The following PI4K2A variants were observed in gnomAD, a reference collection of about 807,000 sequenced individuals.
PI4K2A encodes the protein phosphatidylinositol 4-kinase type 2 alpha.
PI4K2A carries 20 observed loss-of-function variants against 55.0 expected under a neutral mutation model. The observed-to-expected ratio is 0.36, with a 90% CI of 0.26 to 0.53. PI4K2A has a LOEUF of 0.53. Among genes scored for constraint, PI4K2A ranks in the 20% least tolerant of loss-of-function variants. PI4K2A has a pLI of 0.91. For synonymous variants in PI4K2A, 235 were observed against 258.5 expected, an observed-to-expected ratio of 0.91 and a Z score of 0.87; for missense variants, 463 against 637.1, an observed-to-expected ratio of 0.73 and a Z score of 2.94.
chr10:97,660,330 C>T (rs950099597), intron 4 of PI4K2A, among the ~76,000 whole-genome samples: 4 of 133,702 alleles, frequency 3.0e-5, no homozygotes, highest in African/African-American at 1.2e-4. Context: ...GAGTCTCACT[C>T]TGTCGCCCAG....
chr10:97,644,126 G>T (rs947332960), intron 1 of PI4K2A, among the ~76,000 whole-genome samples: 1 of 152,174 alleles, frequency 6.6e-6, no homozygotes, highest in African/African-American at 2.4e-5. Context: ...CGAGGCAGGC[G>T]CATCACTGGA....
chr10:97,648,347 C>T (rs1475856813), intron 1 of PI4K2A, among the ~76,000 whole-genome samples: 1 of 152,046 alleles, frequency 6.6e-6, no homozygotes, highest in East Asian at 1.9e-4. Context: ...CCTCCTTGGC[C>T]TCCCAAAGTG....
intron 8 of PI4K2A, among the ~76,000 whole-genome samples, chr10:97,671,503 T>TC (rs1371561092): frequency 2.0e-5 from 3 of 152,012 alleles, no homozygotes; most frequent in Non-Finnish European, 2.9e-5. Flanking sequence ...ATATAGGAAC[T>TC]CTTTGTACAA....
chr10:97,663,737 T>A (rs1200423849), intron 5 of PI4K2A, among the ~76,000 whole-genome samples: 1 of 150,722 alleles, frequency 6.6e-6, no homozygotes, highest in Non-Finnish European at 1.5e-5. Flanking sequence ...CGAGAATGGC[T>A]TGAACCTGGG....
intron 1 of PI4K2A, among the ~76,000 whole-genome samples, chr10:97,644,481 A>G (rs1198985605): frequency 3.9e-5 from 6 of 152,232 alleles, no homozygotes; most frequent in Non-Finnish European, 7.3e-5. Context: ...TTTACACCTC[A>G]TGTAAAAGAA....
rs757604256 is a variant in PI4K2A at position 97,641,218 on chromosome 10, C to G, written c.435+41C>G. ...GGGACCGCCGCCGCGGGCTGAGGGC[C>G]GGCGGCGCTCCTGGGGAGTTGGGGG... On this transcript the variant is annotated intron_variant, in intron 1 of 8. Coordinates refer to ENST00000370631, the Ensembl canonical transcript of PI4K2A. 3.4e-6 allele frequency: 5 copies of G among 1,492,100 alleles called. No homozygotes were observed. The South Asian group carries it at 3.5e-5, about 10-fold the overall frequency. 92.4% of individuals were successfully genotyped at this position (1,492,100 alleles called of 1,614,324 possible).
At chr10:97,666,344 G>A (rs2041609225) in intron 6 of PI4K2A, 94 bp from the exon 7 acceptor site, 2 of 1,126,598 alleles carry the variant, frequency 1.8e-6, no homozygotes, top group African/African-American at 1.6e-5. Context: ...GGGAAGAGGG[G>A]TTCTCCTTTA....
chr10:97,665,818 C>G (rs1008173694), intron 6 of PI4K2A, among the ~76,000 whole-genome samples: 1 of 149,246 alleles, frequency 6.7e-6, no homozygotes, highest in Non-Finnish European at 1.5e-5. Context: ...ATCTCAATCT[C>G]CTGACCTTGT....
At position 97,666,421 on chromosome 10, in the gene PI4K2A, A is replaced by C. The variant is rs753290479; in HGVS notation, c.1085-17A>C. The stretch of plus-strand genomic sequence containing the variant: ...TTTTCCAACACCAGCTTTGCCTTTG[A>C]CTTTTCCTCTTTTCAGATCCTTTTT... On this transcript the variant is annotated splice_polypyrimidine_tract_variant and intron_variant, in intron 6 of 8. Coordinates refer to ENST00000370631, the Ensembl canonical transcript of PI4K2A. 7 of 1,609,878 alleles carry C rather than the reference A, an allele frequency of 4.3e-6. No individual in the cohort carries two copies. Among genetic ancestry groups the C allele is most frequent in the Non-Finnish European group, 5.9e-6 (7 of 1,178,424 alleles).
At chr10:97,653,463 C>A (rs921943642) in intron 2 of PI4K2A, among the ~76,000 whole-genome samples, 4 of 152,206 alleles carry the variant, frequency 2.6e-5, no homozygotes. Flanking sequence ...ACAACGTAAA[C>A]CCTCCATATG....
At chr10:97,669,555 C>T (rs1318769236) in intron 8 of PI4K2A, among the ~76,000 whole-genome samples, 1 of 152,174 alleles carries the variant, frequency 6.6e-6, no homozygotes, top group Non-Finnish European at 1.5e-5. Context: ...ACCTAAAGTG[C>T]CTACTACCTT....
chr10:97,673,626 C>T (rs2041646919), exon 9 of PI4K2A: 1 of 1,614,102 alleles, frequency 6.2e-7, no homozygotes, highest in South Asian at 1.1e-5. Context: ...GAGTCCCCTG[C>T]ACCTCGTCCA....
At chr10:97,667,845 C>T (rs893741220) in intron 8 of PI4K2A, among the ~76,000 whole-genome samples, 5 of 152,160 alleles carry the variant, frequency 3.3e-5, no homozygotes, top group Admixed American at 6.5e-5. Context: ...AGTAATAATA[C>T]GTTGCACAGT....
intron 1 of PI4K2A, among the ~76,000 whole-genome samples, chr10:97,641,902 G>A (rs181314491): frequency 1.4e-4 from 21 of 152,192 alleles, no homozygotes; most frequent in African/African-American, 4.6e-4. Context: ...AGCGTTTGCC[G>A]ACCTTTATTT....
At chr10:97,658,028 T>A (rs1253996705) in intron 4 of PI4K2A, among the ~76,000 whole-genome samples, 1 of 152,050 alleles carries the variant, frequency 6.6e-6, no homozygotes, top group Admixed American at 6.6e-5. Context: ...AGAGATGGGG[T>A]TTCACCATGT....
chr10:97,642,806 TCTTCCTTCCTTCCTTC>T lies in PI4K2A; in HGVS notation c.435+1661_435+1676del, dbSNP rs1183100302. ...GCCAGAGGCTTGCTTGCTTTCTCTT[TCTTCCTTCCTTCCTTC>T]CTTCCTTCCTTCCTTCCTTCCTTCC... On this transcript the variant is annotated intron_variant, in intron 1 of 8. Coordinates refer to ENST00000370631, the Ensembl canonical transcript of PI4K2A. Among the ~76,000 whole-genome samples the T allele has an allele frequency of 6.0e-4, 63 of 105,384 alleles. 8 individuals are homozygous for T. Among genetic ancestry groups the T allele is most frequent in the Non-Finnish European group, 1.1e-3 (54 of 49,182 alleles). The allele number at this position is 105,384 out of a possible 152,430, so 69.1% of individuals were successfully genotyped here.
At chr10:97,662,843 C>T in intron 4 of PI4K2A, 64 bp from the exon 5 acceptor site, 1 of 951,316 alleles carries the variant, frequency 1.1e-6, no homozygotes, top group Admixed American at 1.7e-5. Context: ...AATACCTAGT[C>T]CACCATTACA....
chr10:97,666,244 C>T (rs1022624611), intron 6 of PI4K2A, among the ~76,000 whole-genome samples, 194 bp from the exon 7 acceptor site: 31 of 152,126 alleles, frequency 2.0e-4, no homozygotes, highest in Non-Finnish European at 5.9e-5. Flanking sequence ...ATTAGGCAGC[C>T]CTGGGTTTGA....
rs112040417 is a variant in PI4K2A at position 97,672,049 on chromosome 10, CT to C, written c.1279-1520del. On this transcript the variant is annotated intron_variant, in intron 8 of 8. Coordinates refer to ENST00000370631, the Ensembl canonical transcript of PI4K2A. ...AATTAAAACCACCTATAATTTCTTT[CT>C]TTTTTTTTTTTGAGATGGAGTCTCG... Among the ~76,000 whole-genome samples the C allele has an allele frequency of 8.9e-3, 1,246 of 140,274 alleles. 14 individuals carry two copies. Among genetic ancestry groups the C allele is most frequent in the African/African-American group, 0.024 (922 of 39,202 alleles). The allele number at this position is 140,274 out of a possible 152,430, so 92.0% of individuals were successfully genotyped here. A position where few individuals can be genotyped will look rare whatever the true frequency, so the allele number is the denominator to read the frequency against.
Sources: gnomAD v4.1 joint callset for allele counts (sites outside exome capture counted in the v4.1 genomes callset) on GRCh38, gnomAD v4.1.1 for gene constraint, MANE v1.5 for transcripts, NCBI Gene and HGNC (gene_info 2026-07-23, HGNC 2026-07-21) for gene names.